SNX29: variants seen among roughly 807,000 people sequenced by gnomAD.
SNX29 encodes the protein sorting nexin-29.
SNX29 carries 78 observed loss-of-function variants against 102.1 expected under a neutral mutation model. The ratio of observed to expected loss-of-function variants is 0.76; its 90% CI spans 0.64 to 0.92. The LOEUF is 0.92. SNX29 is among the 40% of genes least tolerant of loss of function. The pLI is 0.00. For missense variants in SNX29, 1,280 were observed against 1,061.7 expected (o/e 1.21, Z -2.86); for synonymous variants, 580 against 414.5 (o/e 1.40, Z -4.85).
At chr16:12,166,917 G>A in intron 13 of SNX29, among the ~76,000 whole-genome samples, 1 of 152,194 alleles carries the variant, frequency 6.6e-6, no homozygotes, top group Admixed American at 6.5e-5. Context: ...CTACTAGGAA[G>A]AAGAAAATGC....
chr16:12,567,911 C>G (rs571799360), intron 20 of SNX29, among the ~76,000 whole-genome samples: 1 of 152,144 alleles, frequency 6.6e-6, no homozygotes, highest in African/African-American at 2.4e-5. Context: ...TGCCCTGGGA[C>G]CCACACACGC....
chr16:12,120,195 G>T lies in SNX29; in HGVS notation c.1403-6438G>T, dbSNP rs368750395. Among the ~76,000 whole-genome samples the T allele has an allele frequency of 9.8e-5, 15 of 152,328 alleles. No homozygotes were observed. In the East Asian group the frequency reaches 1.5e-3, roughly 16 times the overall value. ...GGGTAGGCAGACAAAGATATAAAAA[G>T]CAGGATGTTAAGTTTGAAAAATGAT... On this transcript the variant is annotated intron_variant, in intron 11 of 20. Transcript: ENST00000566228.
chr16:12,323,966 T>A (rs563699416), intron 15 of SNX29, among the ~76,000 whole-genome samples: 3 of 152,116 alleles, frequency 2.0e-5, no homozygotes, highest in Non-Finnish European at 1.5e-5. Flanking sequence ...ATATAGAGAT[T>A]GATTGTAAGT....
intron 20 of SNX29, chr16:12,526,604 A>C (rs1002221130): frequency 1.9e-5 from 10 of 532,664 alleles, no homozygotes; most frequent in Non-Finnish European, 2.9e-5. Context: ...AGGAGTTCTC[A>C]TCCTCTTAGC....
chr16:12,490,721 C>T (rs1396711750), intron 19 of SNX29, among the ~76,000 whole-genome samples: 1 of 152,166 alleles, frequency 6.6e-6, no homozygotes, highest in South Asian at 2.1e-4. Flanking sequence ...TCCCACCACA[C>T]CAAATTAACA....
At chr16:11,986,053 C>G (rs1034949888) in intron 1 of SNX29, among the ~76,000 whole-genome samples, 1 of 151,986 alleles carries the variant, frequency 6.6e-6, no homozygotes, top group African/African-American at 2.4e-5. Flanking sequence ...GATTCACTGA[C>G]CTCGGGCTCC....
intron 14 of SNX29, among the ~76,000 whole-genome samples, chr16:12,209,575 G>A (rs1449471171): frequency 6.6e-6 from 1 of 152,112 alleles, no homozygotes; most frequent in Non-Finnish European, 1.5e-5. Flanking sequence ...ACCAGATCCT[G>A]GTGGGGCTCA....
rs933054336 is a variant in SNX29 at position 12,570,845 on chromosome 16, A to T, written c.*2216A>T. On this transcript the variant is annotated 3_prime_UTR_variant, in exon 21 of 21. Transcript: ENST00000566228. ...ACAAGTATGCTCTCAGCTGGTATTG[A>T]ACTGGTGGGAGAAACTGCCTCCTAC... 8.6e-6 allele frequency: 2 copies of T among 231,926 alleles called. No individual in the cohort carries two copies. The highest frequency in any genetic ancestry group is 1.7e-5 in the Non-Finnish European group (2 of 117,334). The allele number at this position is 231,926 out of a possible 1,614,324, so 14.4% of individuals were successfully genotyped here. A position where few individuals can be genotyped will look rare whatever the true frequency, so the allele number is the denominator to read the frequency against.
intron 18 of SNX29, among the ~76,000 whole-genome samples, chr16:12,431,279 C>T (rs567691337): frequency 5.3e-5 from 8 of 152,128 alleles, no homozygotes; most frequent in African/African-American, 1.9e-4. Context: ...GAGAAATGGC[C>T]CCCTGCTGTG....
chr16:12,559,923 G>T (rs1052052832), intron 20 of SNX29, among the ~76,000 whole-genome samples: 1 of 152,184 alleles, frequency 6.6e-6, no homozygotes, highest in Non-Finnish European at 1.5e-5. Context: ...AGCTTGCAGT[G>T]AGTCGAGATT....
chr16:12,504,852 G>C (rs2089300644), intron 19 of SNX29, among the ~76,000 whole-genome samples: 1 of 152,202 alleles, frequency 6.6e-6, no homozygotes. Flanking sequence ...GTATCCTGTG[G>C]ATAAGCGGGA....
At position 12,107,616 on chromosome 16, in the gene SNX29, A is replaced by G. The variant is rs1047934472; in HGVS notation, c.1403-19017A>G. On this transcript the variant is annotated intron_variant, in intron 11 of 20. Transcript: ENST00000566228. ...GCGTTCCTTCATTCCGGCCTGGGCA[A>G]CAGAGTGAGACTCTGCCTCAAAAAA... 9.9e-5 allele frequency among the ~76,000 whole-genome samples: 15 copies of G among 152,276 alleles called. 1 individual carries two copies. The highest frequency in any genetic ancestry group is 7.2e-4 in the Admixed American group (11 of 15,300).
intron 13 of SNX29, among the ~76,000 whole-genome samples, chr16:12,133,066 G>T (rs1315707122): frequency 6.6e-6 from 1 of 152,174 alleles, no homozygotes; most frequent in African/African-American, 2.4e-5. Context: ...GAGTGTCGCA[G>T]GCTGGAAGGT....
At chr16:12,265,300 C>G (rs540814434) in intron 14 of SNX29, among the ~76,000 whole-genome samples, 163 of 152,236 alleles carry the variant, frequency 1.1e-3, no homozygotes, top group Admixed American at 2.0e-3. Context: ...AAGTTTCCAT[C>G]GAAGCCTCTG....
intron 16 of SNX29, chr16:12,374,353 G>A (rs146001820): frequency 6.6e-6 from 1 of 152,340 alleles, no homozygotes; most frequent in East Asian, 1.9e-4. Context: ...CTCACCAGAT[G>A]CAGTAACCTA....
In SNX29 at chr16:12,068,934, T is replaced by C. The variant is rs907194498; in HGVS notation, c.1244-123T>C. On this transcript the variant is annotated intron_variant, in intron 9 of 20. Transcript: ENST00000566228. ...ATTAAAATCCAGCTTGCAGGAGAGATGGAGAAAAATTTCTTAGTCAAGTGA... is the reference window on the plus strand; with the variant it reads ...ATTAAAATCCAGCTTGCAGGAGAGACGGAGAAAAATTTCTTAGTCAAGTGA... The C allele has an allele frequency of 1.7e-5, 14 of 832,900 alleles. No individual in the cohort carries two copies. The African/African-American group carries it at 2.1e-4, about 12-fold the overall frequency. 51.6% of individuals were successfully genotyped at this position (832,900 alleles called of 1,614,324 possible). A position where few individuals can be genotyped will look rare whatever the true frequency, so the allele number is the denominator to read the frequency against.
chr16:12,332,616 G>A (rs1044594018), intron 15 of SNX29, among the ~76,000 whole-genome samples: 1 of 152,140 alleles, frequency 6.6e-6, no homozygotes, highest in South Asian at 2.1e-4. Flanking sequence ...TCCATGGGCA[G>A]GTGCTTTTGA....
rs114378000 is a variant in SNX29, at chr16:12,109,668, C to T, written c.1403-16965C>T. On this transcript the variant is annotated intron_variant, in intron 11 of 20. Coordinates refer to ENST00000566228, the MANE Select transcript of SNX29 (RefSeq NM_032167.5). Reference sequence around the variant, plus strand: ...ACATGGTGAGTAGGGGATGCCCAGCCGTGCAGACTCTGGAAAGCTCCTGCA... The same window carrying T: ...ACATGGTGAGTAGGGGATGCCCAGCTGTGCAGACTCTGGAAAGCTCCTGCA... Among the ~76,000 whole-genome samples the T allele has an allele frequency of 1.1e-3, 169 of 152,178 alleles. 1 individual carries two copies. In the East Asian group the frequency reaches 0.018, roughly 16 times the overall value.
chr16:12,287,717 G>GA (rs750866077), intron 15 of SNX29, among the ~76,000 whole-genome samples: 14 of 152,204 alleles, frequency 9.2e-5, no homozygotes, highest in Non-Finnish European at 1.5e-4. Context: ...AGTTTAAACA[G>GA]GTGTTTGAAT....
Sources: gnomAD v4.1 joint callset for allele counts (sites outside exome capture counted in the v4.1 genomes callset) on GRCh38, gnomAD v4.1.1 for gene constraint, MANE v1.5 for transcripts, NCBI Gene and HGNC (gene_info 2026-07-23, HGNC 2026-07-21) for gene names.